NCKIPSD: variants seen among roughly 807,000 people sequenced by gnomAD.
NCKIPSD encodes NCK-interacting protein with SH3 domain.
Under a neutral mutation model 73.4 loss-of-function variants are expected in NCKIPSD, and 48 were observed. The observed-to-expected ratio is 0.65, with a 90% CI of 0.52 to 0.83. The LOEUF is 0.83. Ranked by LOEUF, NCKIPSD falls within the 40% of genes least tolerant of loss-of-function variation. The pLI is 0.00. For missense variants in NCKIPSD, 884 were observed against 970.2 expected (o/e 0.91, Z 1.18); for synonymous variants, 422 against 403.6 (o/e 1.05, Z -0.54).
Position 48,681,617 on chromosome 3 carries a change from G to C in NCKIPSD, c.762C>G (p.Thr254=). The C allele has an allele frequency of 1.2e-6, 2 of 1,613,984 alleles. No individual in the cohort carries two copies. Among genetic ancestry groups the C allele is most frequent in the Non-Finnish European group, 1.7e-6 (2 of 1,179,962 alleles). The stretch of plus-strand genomic sequence containing the variant: ...AGGGAGGGGGCTGGACTTGGGACAC[G>C]GTGGTGTGGGTGCCTCGGCGGGGCA... ...PPVPRRGTHT[T]VSQVQPPPSK... Residue 254 remains threonine (T), a synonymous_variant, in exon 5 of 13, where the codon ACC becomes ACG. Coordinates refer to ENST00000294129, the MANE Select transcript of NCKIPSD (RefSeq NM_016453.4).
rs1313278059 is a variant in NCKIPSD at position 48,679,186 on chromosome 3, G to C, written c.1571-3C>G. The C allele has an allele frequency of 2.5e-6, 4 of 1,613,732 alleles. No homozygotes were observed. Among genetic ancestry groups the C allele is most frequent in the Non-Finnish European group, 3.4e-6 (4 of 1,179,914 alleles). On this transcript the variant is annotated splice_region_variant and splice_polypyrimidine_tract_variant and intron_variant, in intron 9 of 12. Coordinates refer to ENST00000294129, the MANE Select transcript of NCKIPSD (RefSeq NM_016453.4). ...GGCGAAAGGCGTGCCCAGGTGCTCTGGGAGAGGGGCGCACAGAAGTCTGCA... is the reference window on the plus strand; with the variant it reads ...GGCGAAAGGCGTGCCCAGGTGCTCTCGGAGAGGGGCGCACAGAAGTCTGCA...
intron 5 of NCKIPSD, among the ~76,000 whole-genome samples, chr3:48,680,986 ACCT>A (rs985410538): frequency 4.0e-5 from 6 of 151,562 alleles, no homozygotes; most frequent in African/African-American, 1.5e-4. Context: ...CCCAGGTCTC[ACCT>A]CCTCCTACAG....
At chr3:48,682,190 C>T (rs370118733) in intron 3 of NCKIPSD, 34 bp from the exon 4 acceptor site, 2 of 1,585,534 alleles carry the variant, frequency 1.3e-6, no homozygotes, top group African/African-American at 1.3e-5. Flanking sequence ...GGAGGACAGA[C>T]TGACATCTAG....
In NCKIPSD at chr3:48,681,643, C is replaced by T; in HGVS notation, c.736G>A (p.Val246Met). Residue 246 changes from valine to methionine, a missense_variant, in exon 5 of 13, where the codon GTG becomes ATG. Physicochemically the swap from Val to Met is conservative, Grantham distance 21. Coordinates refer to ENST00000294129, the MANE Select transcript of NCKIPSD (RefSeq NM_016453.4). ...GSSCSPTPPP[V>M]PRRGTHTTVS... The stretch of plus-strand genomic sequence containing the variant: ...GTGGTGTGGGTGCCTCGGCGGGGCA[C>T]AGGTGGGGGTGTGGGTGAGCAGCTG... 1.2e-6 allele frequency: 2 copies of T among 1,612,086 alleles called. No homozygotes were observed. The highest frequency in any genetic ancestry group is 1.7e-6 in the Non-Finnish European group (2 of 1,179,138).
chr3:48,675,790 C>T (rs1008753355), intron 12 of NCKIPSD, among the ~76,000 whole-genome samples: 1 of 151,954 alleles, frequency 6.6e-6, no homozygotes, highest in Non-Finnish European at 1.5e-5. Flanking sequence ...AAGTGATCCA[C>T]CCACCTCGGC....
chr3:48,684,527 G>C (rs1330746725), intron 1 of NCKIPSD, among the ~76,000 whole-genome samples: 2 of 152,248 alleles, frequency 1.3e-5, no homozygotes, highest in Non-Finnish European at 2.9e-5. Flanking sequence ...CATCCTTCCT[G>C]GTAAGACCAG....
At chr3:48,680,933 C>G (rs889080511) in intron 5 of NCKIPSD, among the ~76,000 whole-genome samples, 2 of 152,182 alleles carry the variant, frequency 1.3e-5, no homozygotes, top group African/African-American at 4.8e-5. Flanking sequence ...TGCAGCCAGA[C>G]AGAACTCTTG....
In NCKIPSD at chr3:48,674,616, C is replaced by A. The variant is rs2077224148; in HGVS notation, c.2097G>T (p.Gln699His). The A allele has an allele frequency of 6.2e-7, 1 of 1,612,572 alleles. No homozygotes were observed. The highest frequency in any genetic ancestry group is 1.3e-5 in the African/African-American group (1 of 74,912). The change falls in exon 13 of 13, where the codon CAG becomes CAT. Residue 699 changes from glutamine (Q) to histidine (H), a missense_variant. Coordinates refer to ENST00000294129, the MANE Select transcript of NCKIPSD (RefSeq NM_016453.4). ...RILNEEETSP[Q>H]CQMDRMIVRE... ...GGACAATCATGCGGTCCATCTGGCA[C>A]TGGGGTGAGGTCTCCTCCTCATTCA... is the stretch of plus-strand genomic sequence containing the variant.
chr3:48,683,894 G>A (rs2077392977), intron 1 of NCKIPSD, among the ~76,000 whole-genome samples: 1 of 152,000 alleles, frequency 6.6e-6, no homozygotes, highest in Admixed American at 6.6e-5. Context: ...CAGACAGGTG[G>A]GCACAGAGGT....
Position 48,678,986 on chromosome 3 carries a change from G to T in NCKIPSD, c.1700-17C>A. ...GGTCAGCAGCTAAGGAAGGACATGGGTATAGACAGGGTGCTGAGCCTGAGA... is the reference window on the plus strand; with the variant it reads ...GGTCAGCAGCTAAGGAAGGACATGGTTATAGACAGGGTGCTGAGCCTGAGA... On this transcript the variant is annotated splice_polypyrimidine_tract_variant and intron_variant, in intron 10 of 12. Coordinates refer to ENST00000294129, the MANE Select transcript of NCKIPSD (RefSeq NM_016453.4). The T allele has an allele frequency of 6.2e-7, 1 of 1,614,114 alleles. No homozygotes were observed. Among genetic ancestry groups the T allele is most frequent in the South Asian group, 1.1e-5 (1 of 91,080 alleles).
At position 48,679,580 on chromosome 3, in the gene NCKIPSD, G is replaced by A. The variant is rs369165812; in HGVS notation, c.1484C>T (p.Thr495Met). 1.2e-5 allele frequency: 20 copies of A among 1,613,974 alleles called. No individual in the cohort carries two copies. The highest frequency in any genetic ancestry group is 1.6e-4 in the Middle Eastern group (1 of 6,082). Residue 495 changes from threonine (T) to methionine (M), a missense_variant, in exon 8 of 13, where the codon ACG becomes ATG. Transcript: ENST00000294129. The part of the protein sequence containing the change: ...VELARDMQTD[T>M]QDHQKLCYSA... ...ACCCCGCCCTCCAGCCTCACCCTGCGTGTCTGTCTGCATGTCCCTCGCCAG... is the reference window on the plus strand; with the variant it reads ...ACCCCGCCCTCCAGCCTCACCCTGCATGTCTGTCTGCATGTCCCTCGCCAG...
In NCKIPSD at chr3:48,681,244, A is replaced by C. The variant is rs2077347628; in HGVS notation, c.1092+43T>G. 3.3e-6 allele frequency: 5 copies of C among 1,530,142 alleles called. No homozygotes were observed. The South Asian group carries it at 6.4e-5, about 20-fold the overall frequency. The allele number at this position is 1,530,142 out of a possible 1,614,324, so 94.8% of individuals were successfully genotyped here. A position where few individuals can be genotyped will look rare whatever the true frequency, so the allele number is the denominator to read the frequency against. On this transcript the variant is annotated intron_variant, in intron 5 of 12. Transcript: ENST00000294129. Reference sequence around the variant, plus strand: ...TGGACAAGTGTGTGACGGTGGGAACAGGGTGGGTAGCAGGGTGGCCCTGCT... The same window carrying C: ...TGGACAAGTGTGTGACGGTGGGAACCGGGTGGGTAGCAGGGTGGCCCTGCT...
rs942214052 is a variant in NCKIPSD at position 48,678,576 on chromosome 3, T to G, written c.1953A>C (p.Ser651=). The change falls in exon 12 of 13, where the codon TCA becomes TCC. Residue 651 remains serine, a synonymous_variant. Coordinates refer to ENST00000294129, the MANE Select transcript of NCKIPSD (RefSeq NM_016453.4). Reference sequence around the variant, plus strand: ...CACCTCCAGGCACCTTGTCTCCTGGTGACAGGTCTGCGATGTGCCGCACAG... The same window carrying G: ...CACCTCCAGGCACCTTGTCTCCTGGGGACAGGTCTGCGATGTGCCGCACAG... ...DITVRHIADL[S]PGDKLRMEYL... 1.9e-6 allele frequency: 3 copies of G among 1,611,248 alleles called. No homozygotes were observed. The African/African-American group carries it at 4.0e-5, about 22-fold the overall frequency.
Position 48,678,974 on chromosome 3 carries a change from G to A in NCKIPSD, c.1700-5C>T, listed in dbSNP as rs778329779. On this transcript the variant is annotated splice_region_variant and splice_polypyrimidine_tract_variant and intron_variant, in intron 10 of 12. Coordinates refer to ENST00000294129, the MANE Select transcript of NCKIPSD (RefSeq NM_016453.4). ...TGATGACATTCTGGTCAGCAGCTAA[G>A]GAAGGACATGGGTATAGACAGGGTG... 2 of 1,614,166 alleles carry A rather than the reference G, an allele frequency of 1.2e-6. No homozygotes were observed. Among genetic ancestry groups the A allele is most frequent in the Admixed American group, 3.3e-5 (2 of 60,020 alleles).
In NCKIPSD at chr3:48,679,414, G is replaced by C. The variant is rs144343477; in HGVS notation, c.1533C>G (p.Val511=). 3 of 1,614,114 alleles carry C rather than the reference G, an allele frequency of 1.9e-6. No individual in the cohort carries two copies. Among genetic ancestry groups the C allele is most frequent in the Non-Finnish European group, 1.7e-6 (2 of 1,179,992 alleles). The change falls in exon 9 of 13, where the codon GTC becomes GTG. Residue 511 remains valine, a synonymous_variant. Transcript: ENST00000294129. ...AGGGCACTGCCTCTCCCATGGAGAA[G>C]ACCATGGCCAGGATGAGGGCAGAGT... ...LCYSALILAM[V]FSMGEAVPYA... is the part of the protein sequence containing the mutation.
chr3:48,682,412 C>A lies in NCKIPSD; in HGVS notation c.422G>T (p.Gly141Val). The A allele has an allele frequency of 1.2e-6, 2 of 1,614,150 alleles. No homozygotes were observed. Among genetic ancestry groups the A allele is most frequent in the South Asian group, 1.1e-5 (1 of 91,080 alleles). ...ARQPNGVCRA[G>V]FERQHSLPSS... The stretch of plus-strand genomic sequence containing the variant: ...GGGTAGGCTGTGCTGCCGCTCGAAC[C>A]CAGCTCGACACACCCCATTGGGCTG... Residue 141 changes from glycine (G) to valine (V), a missense_variant, in exon 3 of 13, where the codon GGG (glycine) becomes GTG (valine). Physicochemically the swap from Gly to Val is moderately radical, Grantham distance 109 (BLOSUM62 -3). Coordinates refer to ENST00000294129, the MANE Select transcript of NCKIPSD (RefSeq NM_016453.4).
rs768802293 is a variant in NCKIPSD, at chr3:48,674,541, G to A, written c.*3C>T. 4.4e-6 allele frequency: 7 copies of A among 1,581,808 alleles called. No homozygotes were observed. Among genetic ancestry groups the A allele is most frequent in the Non-Finnish European group, 6.0e-6 (7 of 1,162,832 alleles). On this transcript the variant is annotated 3_prime_UTR_variant, in exon 13 of 13. Transcript: ENST00000294129. Reference sequence around the variant, plus strand: ...GCTGCAGGGAAGGGAGGACAGCAAGGTGCTAGCTGGGAGCCTCCCCCAGCA... The same window carrying A: ...GCTGCAGGGAAGGGAGGACAGCAAGATGCTAGCTGGGAGCCTCCCCCAGCA...
chr3:48,680,126 C>A lies in NCKIPSD; in HGVS notation c.1196G>T (p.Arg399Leu), dbSNP rs2077326879. 6.2e-7 allele frequency: 1 copy of A among 1,614,082 alleles called. No individual in the cohort carries two copies. The highest frequency in any genetic ancestry group is 8.5e-7 in the Non-Finnish European group (1 of 1,180,020). The change falls in exon 6 of 13, where the codon CGC becomes CTC. Residue 399 changes from arginine (R) to leucine (L), a missense_variant. Coordinates refer to ENST00000294129, the MANE Select transcript of NCKIPSD (RefSeq NM_016453.4). Reference protein sequence around the residue: ...LARRKDDAQQRSWALYEDEGV... With the variant: ...LARRKDDAQQLSWALYEDEGV... ...CTCATCCTCATATAGTGCCCAACTG[C>A]GCTGCTGGGCGTCGTCCTTCCGGCG...
chr3:48,683,390 T>C (rs1188186366), intron 1 of NCKIPSD, among the ~76,000 whole-genome samples: 1 of 152,188 alleles, frequency 6.6e-6, no homozygotes, highest in African/African-American at 2.4e-5. Context: ...GAGCCCAGGT[T>C]GAGATGCCAA....
Sources: allele counts gnomAD v4.1 joint callset (sites outside exome capture counted in the v4.1 genomes callset), GRCh38; gene constraint gnomAD v4.1.1; transcripts MANE v1.5; gene names NCBI Gene and HGNC (gene_info 2026-07-23, HGNC 2026-07-21).